Variants in KCNAB1 observed in about 807,000 individuals in gnomAD.
KCNAB1 encodes the protein voltage-gated potassium channel subunit beta-1.
KCNAB1 carries 35 observed loss-of-function variants against 64.6 expected under a neutral mutation model. That is an observed-to-expected ratio of 0.54 (90% CI 0.41 to 0.72). The LOEUF (loss-of-function observed/expected upper bound fraction) is 0.72, where lower values mean the gene tolerates loss of function less well. KCNAB1 is among the 30% of genes least tolerant of loss of function. The pLI is 0.00. For missense variants in KCNAB1, 401 were observed against 512.9 expected, an observed-to-expected ratio of 0.78 and a Z score of 2.11; for synonymous variants, 177 against 183.8, an observed-to-expected ratio of 0.96 and a Z score of 0.30.
chr3:156,444,763 T>TTC (rs1481811694), intron 2 of KCNAB1, among the ~76,000 whole-genome samples: 16 of 152,218 alleles, frequency 1.1e-4, no homozygotes, highest in African/African-American at 3.9e-4. Flanking sequence ...TTTGTTTTGA[T>TTC]TCTGCATGAA....
At chr3:156,503,567 C>A (rs538446391) in intron 8 of KCNAB1, among the ~76,000 whole-genome samples, 10 of 152,302 alleles carry the variant, frequency 6.6e-5, no homozygotes, top group African/African-American at 2.4e-4. Context: ...TGGGAGAAAT[C>A]ACAGCAAGGT....
At chr3:156,127,495 T>C (rs1713726968) in intron 1 of KCNAB1, among the ~76,000 whole-genome samples, 1 of 152,236 alleles carries the variant, frequency 6.6e-6, no homozygotes, top group African/African-American at 2.4e-5. Flanking sequence ...TCCTAGCTCA[T>C]TGTTCTGTTG....
At chr3:156,202,071 G>T (rs80073005) in intron 1 of KCNAB1, among the ~76,000 whole-genome samples, 2 of 152,256 alleles carry the variant, frequency 1.3e-5, no homozygotes, top group East Asian at 3.9e-4. Flanking sequence ...TTTCTCTGGG[G>T]CTAAAGTCTC....
chr3:156,339,834 G>T (rs1479117223), intron 1 of KCNAB1, among the ~76,000 whole-genome samples: 1 of 152,128 alleles, frequency 6.6e-6, no homozygotes, highest in Non-Finnish European at 1.5e-5. Context: ...TGCGTGTTTT[G>T]TCCTCCCTCT....
intron 2 of KCNAB1, among the ~76,000 whole-genome samples, chr3:156,422,249 G>A (rs576191253): frequency 7.2e-5 from 11 of 152,170 alleles, no homozygotes; most frequent in African/African-American, 1.9e-4. Flanking sequence ...ATCTGAAGTC[G>A]TGGAATCTGA....
At chr3:156,329,674 G>A (rs1432639206) in intron 1 of KCNAB1, among the ~76,000 whole-genome samples, 1 of 152,070 alleles carries the variant, frequency 6.6e-6, no homozygotes, top group African/African-American at 2.4e-5. Context: ...CTAAGGAAGA[G>A]AAAGAAGCTG....
intron 1 of KCNAB1, among the ~76,000 whole-genome samples, chr3:156,169,563 C>T (rs887573976): frequency 2.0e-5 from 3 of 152,194 alleles, no homozygotes; most frequent in African/African-American, 7.2e-5. Flanking sequence ...TCTTTGTCCC[C>T]ACCCATATCT....
At chr3:156,322,808 G>A (rs139541489) in intron 1 of KCNAB1, among the ~76,000 whole-genome samples, 1 of 152,118 alleles carries the variant, frequency 6.6e-6, no homozygotes, top group Non-Finnish European at 1.5e-5. Context: ...TTAAGAGACG[G>A]AGGCATTACT....
intron 1 of KCNAB1, among the ~76,000 whole-genome samples, chr3:156,392,562 C>G (rs576861586): frequency 6.6e-6 from 1 of 152,234 alleles, no homozygotes; most frequent in South Asian, 2.1e-4. Flanking sequence ...TTTTCTTGTT[C>G]CCAATCTCAA....
At chr3:156,432,358 T>G (rs1716280231) in intron 2 of KCNAB1, among the ~76,000 whole-genome samples, 1 of 152,192 alleles carries the variant, frequency 6.6e-6, no homozygotes, top group Non-Finnish European at 1.5e-5. Flanking sequence ...GTTTCTATGT[T>G]TTTAATAATC....
At chr3:156,449,656 C>A (rs1711846405) in intron 2 of KCNAB1, among the ~76,000 whole-genome samples, 1 of 152,138 alleles carries the variant, frequency 6.6e-6, no homozygotes, top group Non-Finnish European at 1.5e-5. Context: ...AGTCTGAGAA[C>A]ATTTTTAGAA....
intron 1 of KCNAB1, among the ~76,000 whole-genome samples, chr3:156,187,849 G>T (rs1713301937): frequency 6.6e-6 from 1 of 152,118 alleles, no homozygotes; most frequent in Admixed American, 6.5e-5. Flanking sequence ...TTCAAATCTG[G>T]GTTCGCTAGC....
intron 2 of KCNAB1, among the ~76,000 whole-genome samples, chr3:156,438,124 C>T (rs571074875): frequency 6.6e-6 from 1 of 152,360 alleles, no homozygotes; most frequent in Non-Finnish European, 1.5e-5. Flanking sequence ...TTGAAGATCA[C>T]TGGCCTGGAT....
chr3:156,231,836 A>C (rs535978105), intron 1 of KCNAB1, among the ~76,000 whole-genome samples: 11 of 152,252 alleles, frequency 7.2e-5, no homozygotes, highest in Non-Finnish European at 1.2e-4. Context: ...CCTTTCTGAA[A>C]CAAATCAATG....
chr3:156,192,282 TA>T (rs772614175), intron 1 of KCNAB1, among the ~76,000 whole-genome samples: 33 of 152,190 alleles, frequency 2.2e-4, no homozygotes, highest in Non-Finnish European at 4.4e-4. Flanking sequence ...TGGGTAGTTT[TA>T]AATTGCCATT....
chr3:156,501,296 G>T (rs73166583), intron 8 of KCNAB1, among the ~76,000 whole-genome samples: 14,857 of 151,788 alleles, frequency 0.098, 777 homozygotes, highest in Middle Eastern at 0.21. Context: ...GGAATAAAAA[G>T]ATTTTAAAAG....
At chr3:156,290,891 G>A in intron 1 of KCNAB1, 1 of 895,526 alleles carries the variant, frequency 1.1e-6, no homozygotes, top group Non-Finnish European at 1.3e-6. Context: ...ATCTGCTTAA[G>A]AAATAACTTG....
chr3:156,156,604 C>G (rs751876585), intron 1 of KCNAB1, among the ~76,000 whole-genome samples: 10 of 152,176 alleles, frequency 6.6e-5, no homozygotes, highest in Non-Finnish European at 1.5e-4. Flanking sequence ...AAAGGGAATA[C>G]TTAAAGATGA....
At chr3:156,454,388 C>G (rs1712233165) in intron 3 of KCNAB1, among the ~76,000 whole-genome samples, 1 of 152,120 alleles carries the variant, frequency 6.6e-6, no homozygotes, top group African/African-American at 2.4e-5. Flanking sequence ...CCTTTATGTC[C>G]TTTTACTGAC....
Sources: allele counts gnomAD v4.1 joint callset (sites outside exome capture counted in the v4.1 genomes callset), GRCh38; gene constraint gnomAD v4.1.1; transcripts MANE v1.5; gene names NCBI Gene and HGNC (gene_info 2026-07-23, HGNC 2026-07-21).